The following ZCCHC12 variants were observed in gnomAD, a reference collection of about 807,000 sequenced individuals.
ZCCHC12 encodes the protein zinc finger CCHC domain-containing protein 12.
For synonymous variants in ZCCHC12, 128 were observed against 123.2 expected (o/e 1.04, Z -0.26); for missense variants, 317 against 323.4 (o/e 0.98, Z 0.15).
At position 118,825,132 on chromosome X, in the gene ZCCHC12, C is replaced by T. The variant is rs1371064602; in HGVS notation, c.-113C>T. The T allele has an allele frequency of 4.8e-6, 5 of 1,045,858 alleles. No homozygotes were observed. The highest frequency in any genetic ancestry group is 3.0e-5 in the East Asian group (1 of 33,018). The allele number at this position is 1,045,858 out of a possible 1,213,427, so 86.2% of individuals were successfully genotyped here. On this transcript the variant is annotated splice_region_variant and 5_prime_UTR_variant, in exon 4 of 4. Transcript: ENST00000310164. ...CCAGCCCCCCTTTCTTTTTTACAGC[C>T]CCTGCTGAGATAGGAAGGCAGAGCC...
Position 118,825,224 on chromosome X carries a change from G to A in ZCCHC12, c.-21G>A. On this transcript the variant is annotated 5_prime_UTR_variant, in exon 4 of 4. Coordinates refer to ENST00000310164, the MANE Select transcript of ZCCHC12 (RefSeq NM_173798.4). The stretch of plus-strand genomic sequence containing the variant: ...AAGCCTAGGCATCTTCTTATATTCA[G>A]ATACCCTATCGTCGTCAGTCATGGC... 2 of 1,211,743 alleles carry A rather than the reference G, an allele frequency of 1.7e-6. No individual in the cohort carries two copies. The highest frequency in any genetic ancestry group is 1.7e-5 in the African/African-American group (1 of 57,820).
In ZCCHC12 at chrX:118,826,824, A is replaced by G. The variant is rs1377210071; in HGVS notation, c.*371A>G. On this transcript the variant is annotated 3_prime_UTR_variant, in exon 4 of 4. Coordinates refer to ENST00000310164, the MANE Select transcript of ZCCHC12 (RefSeq NM_173798.4). The stretch of plus-strand genomic sequence containing the variant: ...TTATATAATCATTGTCAACCCTTTG[A>G]TGAGTGATATTTCCCTATACCTATG... 1.2e-5 allele frequency: 3 copies of G among 240,428 alleles called. No individual in the cohort carries two copies. Among genetic ancestry groups the G allele is most frequent in the Non-Finnish European group, 2.4e-5 (3 of 127,421 alleles). The allele number at this position is 240,428 out of a possible 1,213,427, so 19.8% of individuals were successfully genotyped here.
intron 3 of ZCCHC12, 126 bp from the exon 4 acceptor site, chrX:118,825,005 A>T (rs1180438976): frequency 1.7e-5 from 7 of 420,521 alleles, no homozygotes. Context: ...TGTAAGTGTC[A>T]ATCTCCTACA....
In ZCCHC12 at chrX:118,825,592, C is replaced by T; in HGVS notation, c.348C>T (p.Ala116=). The T allele has an allele frequency of 8.3e-7, 1 of 1,211,748 alleles. No homozygotes were observed. The highest frequency in any genetic ancestry group is 1.7e-5 in the African/African-American group (1 of 57,769). ...PNLSVADFLR[A]MKLVFGESES... Reference sequence around the variant, plus strand: ...TAAGTGTGGCAGATTTCTTGCGAGCCATGAAATTGGTGTTTGGGGAGTCTG... The same window carrying T: ...TAAGTGTGGCAGATTTCTTGCGAGCTATGAAATTGGTGTTTGGGGAGTCTG... Residue 116 remains alanine (A), a synonymous_variant, in exon 4 of 4, where the codon GCC becomes GCT. Coordinates refer to ENST00000310164, the MANE Select transcript of ZCCHC12 (RefSeq NM_173798.4).
intron 1 of ZCCHC12, among the ~76,000 whole-genome samples, 151 bp from the exon 2 acceptor site, chrX:118,824,188 C>G (rs1382489430): frequency 1.9e-5 from 2 of 104,937 alleles, no homozygotes; most frequent in Admixed American, 1.0e-4. Flanking sequence ...GTAGGATTTG[C>G]CTGGATTTGG....
Position 118,826,219 on chromosome X carries a change from T to C in ZCCHC12, c.975T>C (p.Ser325=). 1 of 1,211,849 alleles carries C rather than the reference T, an allele frequency of 8.3e-7. No homozygotes were observed. The highest frequency in any genetic ancestry group is 1.8e-5 in the South Asian group (1 of 56,990). Residue 325 remains serine (S), a synonymous_variant, in exon 4 of 4, where the codon TCT becomes TCC. Transcript: ENST00000310164. ...RAQFPSTSGG[S]GYKNNGPGEM... is the part of the protein sequence containing the mutation. Reference sequence around the variant, plus strand: ...AGTTTCCTTCCACCAGTGGTGGTTCTGGCTATAAGAATAACGGTCCTGGGG... The same window carrying C: ...AGTTTCCTTCCACCAGTGGTGGTTCCGGCTATAAGAATAACGGTCCTGGGG...
In ZCCHC12 at chrX:118,826,823, G is replaced by A. The variant is rs760684224; in HGVS notation, c.*370G>A. Reference sequence around the variant, plus strand: ...CTTATATAATCATTGTCAACCCTTTGATGAGTGATATTTCCCTATACCTAT... The same window carrying A: ...CTTATATAATCATTGTCAACCCTTTAATGAGTGATATTTCCCTATACCTAT... On this transcript the variant is annotated 3_prime_UTR_variant, in exon 4 of 4. Transcript: ENST00000310164. 3.3e-5 allele frequency: 8 copies of A among 239,439 alleles called. No individual in the cohort carries two copies. Among genetic ancestry groups the A allele is most frequent in the African/African-American group, 2.0e-4 (7 of 35,174 alleles). 19.7% of individuals were successfully genotyped at this position (239,439 alleles called of 1,213,427 possible). A position where few individuals can be genotyped will look rare whatever the true frequency, so the allele number is the denominator to read the frequency against.
Position 118,825,388 on chromosome X carries a change from C to T in ZCCHC12, c.144C>T (p.Phe48=). Residue 48 remains phenylalanine (F), a synonymous_variant, in exon 4 of 4, where the codon TTC becomes TTT. Coordinates refer to ENST00000310164, the MANE Select transcript of ZCCHC12 (RefSeq NM_173798.4). ...TGGCAGACAGAAACATGAAGTTGTT[C>T]TCGGGGAGGGTGGTGCCAGCCCAAG... The part of the protein sequence containing the change: ...ASMADRNMKL[F]SGRVVPAQGE... 8.3e-7 allele frequency: 1 copy of T among 1,210,617 alleles called. No individual in the cohort carries two copies. The highest frequency in any genetic ancestry group is 1.1e-6 in the Non-Finnish European group (1 of 894,901).
In ZCCHC12 at chrX:118,826,008, T is replaced by A. The variant is rs138622280; in HGVS notation, c.764T>A (p.Val255Glu). 8 of 1,211,082 alleles carry A rather than the reference T, an allele frequency of 6.6e-6. No individual in the cohort carries two copies. The highest frequency in any genetic ancestry group is 8.9e-6 in the Non-Finnish European group (8 of 895,341). ...PVAFQGSPPI[V>E]IGSADCNVIE... ...GCATTTCAGGGCTCCCCACCGATAGTGATCGGCAGTGCTGACTGCAATGTG... is the reference window on the plus strand; with the variant it reads ...GCATTTCAGGGCTCCCCACCGATAGAGATCGGCAGTGCTGACTGCAATGTG... Residue 255 changes from valine to glutamate, a missense_variant, in exon 4 of 4, where the codon GTG (valine) becomes GAG (glutamate). Coordinates refer to ENST00000310164, the MANE Select transcript of ZCCHC12 (RefSeq NM_173798.4).
rs772030434 is a variant in ZCCHC12 at position 118,826,067 on chromosome X, G to A, written c.823G>A (p.Glu275Lys). ...AGATGATACCCTCGACGACTCCGATGAGGATGTGATCCTGGTGGAGTCTCA... is the reference window on the plus strand; with the variant it reads ...AGATGATACCCTCGACGACTCCGATAAGGATGTGATCCTGGTGGAGTCTCA... The part of the protein sequence containing the change: ...EIDDTLDDSD[E>K]DVILVESQDP... Residue 275 changes from glutamate (E) to lysine (K), a missense_variant, in exon 4 of 4, where the codon GAG becomes AAG. Coordinates refer to ENST00000310164, the MANE Select transcript of ZCCHC12 (RefSeq NM_173798.4). 5.9e-5 allele frequency: 71 copies of A among 1,209,130 alleles called. No individual in the cohort carries two copies. The highest frequency in any genetic ancestry group is 7.6e-5 in the Non-Finnish European group (68 of 894,817).
In ZCCHC12 at chrX:118,826,230, A is replaced by G. The variant is rs1333492858; in HGVS notation, c.986A>G (p.Asn329Ser). ...PSTSGGSGYK[N>S]NGPGEMRRAR... is the part of the protein sequence containing the mutation. ...ACCAGTGGTGGTTCTGGCTATAAGAATAACGGTCCTGGGGAGATGCGTAGA... is the reference window on the plus strand; with the variant it reads ...ACCAGTGGTGGTTCTGGCTATAAGAGTAACGGTCCTGGGGAGATGCGTAGA... The change falls in exon 4 of 4, where the codon AAT becomes AGT. Residue 329 changes from asparagine to serine, a missense_variant. By Grantham distance (46) the Asn-to-Ser change is conservative. Transcript: ENST00000310164. 3.3e-6 allele frequency: 4 copies of G among 1,211,822 alleles called. No homozygotes were observed. In the South Asian group the frequency reaches 5.3e-5, roughly 16 times the overall value.
At position 118,825,278 on chromosome X, in the gene ZCCHC12, C is replaced by G. The variant is rs1363098194; in HGVS notation, c.34C>G (p.Arg12Gly). The change falls in exon 4 of 4, where the codon CGG becomes GGG. Residue 12 changes from arginine (R) to glycine (G), a missense_variant. Coordinates refer to ENST00000310164, the MANE Select transcript of ZCCHC12 (RefSeq NM_173798.4). ...CATCATTGCACGTGTCGGTAACAGC[C>G]GGCGGCTGAATGCACCCTTGCCGCC... is the stretch of plus-strand genomic sequence containing the variant. The part of the protein sequence containing the change: ...ASIIARVGNS[R>G]RLNAPLPPWA... The G allele has an allele frequency of 1.4e-5, 17 of 1,210,113 alleles. No individual in the cohort carries two copies. Among genetic ancestry groups the G allele is most frequent in the South Asian group, 8.8e-5 (5 of 56,769 alleles).
chrX:118,826,098 C>T lies in ZCCHC12; in HGVS notation c.854C>T (p.Pro285Leu), dbSNP rs1234726068. 2 of 1,209,127 alleles carry T rather than the reference C, an allele frequency of 1.7e-6. No homozygotes were observed. The change falls in exon 4 of 4, where the codon CCT becomes CTT. Residue 285 changes from proline to leucine, a missense_variant. Pro to Leu is a moderately conservative substitution (Grantham distance 98, BLOSUM62 -3). Transcript: ENST00000310164. ...EDVILVESQD[P>L]PLPSWGAPPL... ...GTGATCCTGGTGGAGTCTCAGGACC[C>T]TCCACTTCCATCCTGGGGTGCCCCT...
rs767515135 is a variant in ZCCHC12 at position 118,825,768 on chromosome X, TGCA to T, written c.530_532del (p.Gln177del). On this transcript the variant is annotated inframe_deletion, in exon 4 of 4. Coordinates refer to ENST00000310164, the MANE Select transcript of ZCCHC12 (RefSeq NM_173798.4). ...GAGAAAGATGCAAACCGGACTCGCT[TGCA>T]GCAGCTCCTTTTAGGCGGTGAGCTG... The T allele has an allele frequency of 8.3e-7, 1 of 1,211,959 alleles. No individual in the cohort carries two copies. Among genetic ancestry groups the T allele is most frequent in the Non-Finnish European group, 1.1e-6 (1 of 895,597 alleles).
In ZCCHC12 at chrX:118,825,798, G is replaced by C; in HGVS notation, c.554G>C (p.Ser185Thr). The change falls in exon 4 of 4, where the codon AGT becomes ACT. Residue 185 changes from serine (S) to threonine (T), a missense_variant. Coordinates refer to ENST00000310164, the MANE Select transcript of ZCCHC12 (RefSeq NM_173798.4). Reference protein sequence around the residue: ...LQQLLLGGELSRDLRLRLKDF... With the variant: ...LQQLLLGGELTRDLRLRLKDF... ...CAGCTCCTTTTAGGCGGTGAGCTGA[G>C]TAGGGACCTCCGACTCAGACTTAAG... 1.7e-6 allele frequency: 2 copies of C among 1,211,986 alleles called. No homozygotes were observed. The highest frequency in any genetic ancestry group is 2.2e-6 in the Non-Finnish European group (2 of 895,619).
Position 118,825,228 on chromosome X carries a change from C to T in ZCCHC12, c.-17C>T, listed in dbSNP as rs754802250. The stretch of plus-strand genomic sequence containing the variant: ...CTAGGCATCTTCTTATATTCAGATA[C>T]CCTATCGTCGTCAGTCATGGCTAGC... On this transcript the variant is annotated 5_prime_UTR_variant, in exon 4 of 4. Transcript: ENST00000310164. The T allele has an allele frequency of 3.3e-6, 4 of 1,211,871 alleles. No individual in the cohort carries two copies. In the Admixed American group the frequency reaches 8.7e-5, roughly 26 times the overall value.
In ZCCHC12 at chrX:118,826,612, A is replaced by T; in HGVS notation, c.*159A>T. On this transcript the variant is annotated 3_prime_UTR_variant, in exon 4 of 4. Coordinates refer to ENST00000310164, the MANE Select transcript of ZCCHC12 (RefSeq NM_173798.4). ...TAGAAAGGGTCTTGGATACCAGCAC[A>T]TTGGAGGGAGATAGCCTGACCTCTG... The T allele has an allele frequency of 2.9e-6, 2 of 696,163 alleles. No homozygotes were observed. The highest frequency in any genetic ancestry group is 4.4e-6 in the Non-Finnish European group (2 of 458,288). The allele number at this position is 696,163 out of a possible 1,213,427, so 57.4% of individuals were successfully genotyped here.
chrX:118,825,093 C>G, intron 3 of ZCCHC12, 38 bp from the exon 4 acceptor site: 1 of 673,748 alleles, frequency 1.5e-6, no homozygotes, highest in Non-Finnish European at 2.3e-6. Flanking sequence ...AGCTGCAGCC[C>G]GCTCCCTTAT....
rs887249224 is a variant in ZCCHC12 at position 118,826,218 on chromosome X, C to T, written c.974C>T (p.Ser325Phe). The T allele has an allele frequency of 3.3e-6, 4 of 1,209,601 alleles. No homozygotes were observed. The highest frequency in any genetic ancestry group is 3.5e-5 in the African/African-American group (2 of 56,940). ...RAQFPSTSGG[S>F]GYKNNGPGEM... ...CAGTTTCCTTCCACCAGTGGTGGTT[C>T]TGGCTATAAGAATAACGGTCCTGGG... Residue 325 changes from serine to phenylalanine, a missense_variant, in exon 4 of 4, where the codon TCT (serine) becomes TTT (phenylalanine). Coordinates refer to ENST00000310164, the MANE Select transcript of ZCCHC12 (RefSeq NM_173798.4).
Sources: allele counts gnomAD v4.1 joint callset (sites outside exome capture counted in the v4.1 genomes callset), GRCh38; gene constraint gnomAD v4.1.1; transcripts MANE v1.5; gene names NCBI Gene and HGNC (gene_info 2026-07-23, HGNC 2026-07-21).